The following CACNA2D1 variants were observed in gnomAD, a reference collection of about 807,000 sequenced individuals.
CACNA2D1 encodes the protein voltage-dependent calcium channel subunit alpha-2/delta-1.
A neutral mutation model predicts 171.5 loss-of-function variants in CACNA2D1; 53 were observed. That is an observed-to-expected ratio of 0.31 (90% CI 0.25 to 0.39). CACNA2D1 has a LOEUF of 0.39. CACNA2D1 is among the 10% of genes least tolerant of loss of function. CACNA2D1 has a pLI of 1.00. For synonymous variants in CACNA2D1, 442 were observed against 443.1 expected, an observed-to-expected ratio of 1.00 and a Z score of 0.03; for missense variants, 903 against 1,299.8, an observed-to-expected ratio of 0.69 and a Z score of 4.69.
chr7:82,402,705 CAAAAAAAAAAAAAA>C (rs59290672), intron 1 of CACNA2D1, among the ~76,000 whole-genome samples: 1 of 64,824 alleles, frequency 1.5e-5, no homozygotes, highest in Non-Finnish European at 2.8e-5. Flanking sequence ...GACTCTGTCT[CAAAAAAAAAAAAAA>C]AAAAAAAAAA....
intron 24 of CACNA2D1, among the ~76,000 whole-genome samples, chr7:81,980,168 C>A (rs1584272223): frequency 3.2e-4 from 6 of 18,714 alleles, no homozygotes; most frequent in Admixed American, 6.2e-4. Context: ...AAACTAAAAC[C>A]AAGCAAAAAA....
chr7:82,149,997 TGTGTGTGCATGC>T (rs1408078338), intron 4 of CACNA2D1, among the ~76,000 whole-genome samples: 1 of 151,628 alleles, frequency 6.6e-6, no homozygotes, highest in Non-Finnish European at 1.5e-5. Flanking sequence ...TGTGTGCATG[TGTGTGTGCATGC>T]ACTGAGGAGA....
intron 5 of CACNA2D1, among the ~76,000 whole-genome samples, chr7:82,123,698 G>A (rs1790003389): frequency 6.6e-6 from 1 of 152,074 alleles, no homozygotes; most frequent in South Asian, 2.1e-4. Flanking sequence ...TCCAAAATGT[G>A]TAGCACTGGA....
At chr7:82,287,421 G>T (rs1391772268) in intron 3 of CACNA2D1, among the ~76,000 whole-genome samples, 4 of 152,076 alleles carry the variant, frequency 2.6e-5, no homozygotes, top group Admixed American at 2.0e-4. Context: ...TAACCACATT[G>T]AATTCTATTA....
intron 24 of CACNA2D1, among the ~76,000 whole-genome samples, chr7:81,977,559 C>A (rs1253890788): frequency 6.6e-6 from 1 of 151,994 alleles, no homozygotes; most frequent in Non-Finnish European, 1.5e-5. Flanking sequence ...AGAAGCTGGA[C>A]CCCTTGCCTA....
chr7:81,984,644 G>T lies in CACNA2D1; in HGVS notation c.1864C>A (p.Gln622Lys). 1.3e-6 allele frequency: 2 copies of T among 1,561,622 alleles called. No homozygotes were observed. The highest frequency in any genetic ancestry group is 2.3e-5 in the South Asian group (2 of 86,472). Residue 622 changes from glutamine (Q) to lysine (K), a missense_variant, in exon 22 of 39, where the codon CAG (glutamine) becomes AAG (lysine). Gln to Lys is a moderately conservative substitution (Grantham distance 53). Transcript: ENST00000356860. ...CTTTCACAGTACTTACATCTGGCCT[G>T]AGTTATTGTCTCTTCTAGTTTGGCT... ...IKAKLEETIT[Q>K]ARSKKGKMKD... is the part of the protein sequence containing the mutation.
chr7:82,324,108 G>A (rs545494202), intron 3 of CACNA2D1, among the ~76,000 whole-genome samples: 27 of 152,238 alleles, frequency 1.8e-4, no homozygotes, highest in South Asian at 6.2e-4. Context: ...TGTAATCCCC[G>A]CACTTTGGGA....
At chr7:82,221,249 G>A (rs1026331790) in intron 3 of CACNA2D1, among the ~76,000 whole-genome samples, 1 of 152,068 alleles carries the variant, frequency 6.6e-6, no homozygotes, top group Non-Finnish European at 1.5e-5. Context: ...AGGGTTTTGG[G>A]TACTCCTCAA....
intron 1 of CACNA2D1, among the ~76,000 whole-genome samples, chr7:82,435,638 G>A (rs1436410908): frequency 6.6e-6 from 1 of 152,048 alleles, no homozygotes; most frequent in Non-Finnish European, 1.5e-5. Context: ...CATCATCTCT[G>A]GTTCAGTGAA....
intron 6 of CACNA2D1, among the ~76,000 whole-genome samples, chr7:82,109,781 A>G (rs1788161813): frequency 6.6e-6 from 1 of 152,190 alleles, no homozygotes; most frequent in South Asian, 2.1e-4. Context: ...CCTATTAGAT[A>G]GATTCCTTGC....
At chr7:81,978,310 A>T (rs188380060) in intron 24 of CACNA2D1, among the ~76,000 whole-genome samples, 67 of 152,336 alleles carry the variant, frequency 4.4e-4, no homozygotes, top group African/African-American at 1.6e-3. Context: ...CACGGTTCAG[A>T]ACAGCAAAGA....
chr7:82,347,713 C>A (rs1208112300), intron 2 of CACNA2D1, among the ~76,000 whole-genome samples: 6 of 152,124 alleles, frequency 3.9e-5, no homozygotes, highest in Non-Finnish European at 8.8e-5. Flanking sequence ...CCTCCCACCA[C>A]CCCAGTTACC....
At chr7:82,229,253 A>T (rs927168039) in intron 3 of CACNA2D1, among the ~76,000 whole-genome samples, 4 of 152,104 alleles carry the variant, frequency 2.6e-5, no homozygotes, top group African/African-American at 9.7e-5. Flanking sequence ...AAAAGACATC[A>T]AACCTTGTAT....
intron 10 of CACNA2D1, among the ~76,000 whole-genome samples, chr7:82,052,626 CGTGGTTGACACTAAAGATTATATATAAT>C (rs764205874): frequency 5.4e-4 from 82 of 152,060 alleles, no homozygotes; most frequent in Non-Finnish European, 1.0e-3. Flanking sequence ...ATGAATTTAA[CGTGGTTGACACTAAAGATTATATATAAT>C]GTGGTTGACA....
intron 1 of CACNA2D1, among the ~76,000 whole-genome samples, chr7:82,370,786 C>T (rs963747350): frequency 6.6e-6 from 1 of 151,938 alleles, no homozygotes; most frequent in African/African-American, 2.4e-5. Flanking sequence ...GGAAGAAACC[C>T]AAATATTACC....
chr7:82,386,550 T>C (rs1297067149), intron 1 of CACNA2D1, among the ~76,000 whole-genome samples: 3 of 151,714 alleles, frequency 2.0e-5, no homozygotes, highest in African/African-American at 7.3e-5. Context: ...CTGACCAACA[T>C]GGAGAAACCC....
At chr7:82,333,719 G>T (rs60447715) in intron 3 of CACNA2D1, among the ~76,000 whole-genome samples, 464 of 151,702 alleles carry the variant, frequency 3.1e-3, no homozygotes, top group African/African-American at 0.011. Context: ...TGGACAACTG[G>T]AGTTTACTAG....
chr7:82,136,484 GTTC>G (rs1296007214), intron 5 of CACNA2D1, 148 bp downstream of exon 5: 9 of 586,930 alleles, frequency 1.5e-5, no homozygotes, highest in Non-Finnish European at 2.7e-5. Context: ...AATCACAAAA[GTTC>G]TTCATTATCT....
rs192881472 is a variant in CACNA2D1 at position 82,442,622 on chromosome 7, G to C, written c.95+743C>G. 2.7e-3 allele frequency among the ~76,000 whole-genome samples: 405 copies of C among 152,230 alleles called. 5 individuals are homozygous for C. The highest frequency in any genetic ancestry group is 0.017 in the Middle Eastern group (5 of 294). ...GGTTTTTAAAAGTTATTTTAGAAAT[G>C]GTAAAAATAAAAGAAAATTTGTAGG... On this transcript the variant is annotated intron_variant, in intron 1 of 38. Coordinates refer to ENST00000356860, the MANE Select transcript of CACNA2D1 (RefSeq NM_000722.4).
Sources: allele counts gnomAD v4.1 joint callset (sites outside exome capture counted in the v4.1 genomes callset), GRCh38; gene constraint gnomAD v4.1.1; transcripts MANE v1.5; gene names NCBI Gene and HGNC (gene_info 2026-07-23, HGNC 2026-07-21).